Variants in PTPRG observed in about 807,000 individuals in gnomAD.
PTPRG encodes the protein protein tyrosine phosphatase receptor type G.
In PTPRG, 102 loss-of-function variants were observed where a neutral mutation model predicts 165.3. The observed-to-expected ratio is 0.62, with a 90% CI of 0.53 to 0.73. The LOEUF (loss-of-function observed/expected upper bound fraction) is 0.73, where lower values mean the gene tolerates loss of function less well. PTPRG is among the 30% of genes least tolerant of loss of function. The probability of loss-of-function intolerance (pLI) is 0.00; values close to 1 mark genes in which losing one functional copy is unlikely to be tolerated. For synonymous variants in PTPRG, 675 were observed against 669.5 expected (o/e 1.01, Z -0.13); for missense variants, 1,866 against 1,861.4 (o/e 1.00, Z -0.05).
At chr3:61,680,953 C>G (rs1703420241) in intron 1 of PTPRG, among the ~76,000 whole-genome samples, 1 of 67,770 alleles carries the variant, frequency 1.5e-5, no homozygotes, top group South Asian at 4.9e-4. Context: ...CAAATGCGGT[C>G]ATGGCTTTTA....
intron 4 of PTPRG, among the ~76,000 whole-genome samples, chr3:62,066,029 G>T (rs986668518): frequency 3.9e-5 from 6 of 152,086 alleles, no homozygotes; most frequent in African/African-American, 1.4e-4. Context: ...GCTGTATAGT[G>T]CAAAATGTAG....
chr3:61,817,090 T>A (rs1310240258), intron 2 of PTPRG, among the ~76,000 whole-genome samples: 1 of 130,868 alleles, frequency 7.6e-6, no homozygotes, highest in Non-Finnish European at 1.6e-5. Context: ...ATAATATATA[T>A]TACATATTAT....
chr3:61,785,303 G>T (rs939157913), intron 2 of PTPRG, among the ~76,000 whole-genome samples: 1 of 152,116 alleles, frequency 6.6e-6, no homozygotes, highest in African/African-American at 2.4e-5. Flanking sequence ...AAAATGAAAC[G>T]TGCAATTTAG....
intron 28 of PTPRG, among the ~76,000 whole-genome samples, chr3:62,287,389 A>C (rs1366533708): frequency 6.6e-6 from 1 of 152,212 alleles, no homozygotes; most frequent in African/African-American, 2.4e-5. Context: ...TAGAGCTATC[A>C]TAATAGGGTA....
At chr3:62,139,152 G>A (rs9865754) in intron 6 of PTPRG, among the ~76,000 whole-genome samples, 2,028 of 152,240 alleles carry the variant, frequency 0.013, 51 homozygotes, top group African/African-American at 0.046. Context: ...CAGAGGAAAT[G>A]TGAGGGGGAC....
intron 3 of PTPRG, among the ~76,000 whole-genome samples, chr3:62,003,002 C>A (rs1461237082): frequency 6.6e-6 from 1 of 152,180 alleles, no homozygotes; most frequent in Non-Finnish European, 1.5e-5. Flanking sequence ...AAAAATCTTG[C>A]TCTCTAGATG....
chr3:61,907,082 G>A (rs1214079875), intron 2 of PTPRG, among the ~76,000 whole-genome samples: 1 of 151,814 alleles, frequency 6.6e-6, no homozygotes, highest in East Asian at 1.9e-4. Flanking sequence ...GTTGTTATTT[G>A]GGGTAACATA....
At chr3:62,019,394 G>A (rs1275476853) in intron 4 of PTPRG, among the ~76,000 whole-genome samples, 1 of 151,904 alleles carries the variant, frequency 6.6e-6, no homozygotes, top group Non-Finnish European at 1.5e-5. Context: ...GTGGTGGCAC[G>A]CATCTGTGGT....
intron 2 of PTPRG, among the ~76,000 whole-genome samples, chr3:61,834,916 T>C (rs2036415719): frequency 6.6e-6 from 1 of 152,186 alleles, no homozygotes; most frequent in Non-Finnish European, 1.5e-5. Flanking sequence ...CTCTCAGAAA[T>C]TAGACAATTG....
At chr3:62,174,066 G>C (rs761258957) in intron 8 of PTPRG, among the ~76,000 whole-genome samples, 1 of 152,168 alleles carries the variant, frequency 6.6e-6, no homozygotes, top group Non-Finnish European at 1.5e-5. Flanking sequence ...TCTGCCCTTT[G>C]TCGGCAAATA....
chr3:61,802,586 A>T (rs543831627), intron 2 of PTPRG, among the ~76,000 whole-genome samples: 2 of 152,344 alleles, frequency 1.3e-5, no homozygotes, highest in East Asian at 3.9e-4. Context: ...ATGCATTCTC[A>T]TTGGAGCCTA....
chr3:62,262,607 G>A (rs746015043), intron 16 of PTPRG, 191 bp from the exon 17 acceptor site: 200 of 436,112 alleles, frequency 4.6e-4, no homozygotes, highest in Admixed American at 4.7e-4. Context: ...AGTAAATAAT[G>A]AAATCTTTAT....
At chr3:61,661,234 G>A (rs1461366409) in intron 1 of PTPRG, among the ~76,000 whole-genome samples, 1 of 151,890 alleles carries the variant, frequency 6.6e-6, no homozygotes, top group Non-Finnish European at 1.5e-5. Context: ...CACTAGCCCA[G>A]GCTCCCCTCA....
chr3:61,949,006 AAAAG>A (rs66867816), intron 2 of PTPRG, among the ~76,000 whole-genome samples: 26,851 of 151,322 alleles, frequency 0.18, 2,491 homozygotes, highest in Non-Finnish European at 0.21. Flanking sequence ...CACTCCAAGG[AAAAG>A]AGAGAAGGCA....
chr3:61,879,883 T>C (rs1045202477), intron 2 of PTPRG, among the ~76,000 whole-genome samples: 5 of 152,188 alleles, frequency 3.3e-5, no homozygotes, highest in African/African-American at 1.2e-4. Flanking sequence ...GTATAAGCCT[T>C]TACGTTATAA....
chr3:61,701,156 C>T (rs541666060), intron 1 of PTPRG, among the ~76,000 whole-genome samples: 4 of 152,294 alleles, frequency 2.6e-5, no homozygotes, highest in Non-Finnish European at 4.4e-5. Flanking sequence ...AGTAGTCCAC[C>T]ATCACACCAT....
rs1280649774 is a variant in PTPRG at position 62,237,546 on chromosome 3, G to T, written c.2375+6235G>T. On this transcript the variant is annotated intron_variant, in intron 14 of 29. Coordinates refer to ENST00000474889, the MANE Select transcript of PTPRG (RefSeq NM_002841.4). This position sits in a 1 kb window ranked among gnomAD's most constrained non-coding sequence, Gnocchi z 4.5. ...GTGTTTCACATCCTGACTAAAAGAT[G>T]TACTCTGCACGTTGTGTGTGCTCTG... Among the ~76,000 whole-genome samples the T allele has an allele frequency of 2.0e-5, 3 of 152,162 alleles. No individual in the cohort carries two copies. The highest frequency in any genetic ancestry group is 1.5e-5 in the Non-Finnish European group (1 of 68,024).
At chr3:61,563,265 T>C (rs1699813877) in intron 1 of PTPRG, among the ~76,000 whole-genome samples, 1 of 152,184 alleles carries the variant, frequency 6.6e-6, no homozygotes, top group African/African-American at 2.4e-5. Context: ...TGTTCGCGGC[T>C]GGCAGACCCA....
intron 1 of PTPRG, among the ~76,000 whole-genome samples, chr3:61,583,581 C>T (rs1700358597): frequency 6.6e-6 from 1 of 152,194 alleles, no homozygotes; most frequent in Non-Finnish European, 1.5e-5. Flanking sequence ...ACCTTTGCTA[C>T]TCTTTGGGTA....
Sources: allele counts gnomAD v4.1 joint callset (sites outside exome capture counted in the v4.1 genomes callset), GRCh38; gene constraint gnomAD v4.1.1; non-coding constraint Gnocchi (gnomAD v3.1); transcripts MANE v1.5; gene names NCBI Gene and HGNC (gene_info 2026-07-23, HGNC 2026-07-21).